The following CNTN1 variants were observed in gnomAD, a reference collection of about 807,000 sequenced individuals.
CNTN1 encodes the protein contactin 1.
In CNTN1, 38 loss-of-function variants were observed where a neutral mutation model predicts 126.4. The ratio of observed to expected loss-of-function variants is 0.30; its 90% CI spans 0.23 to 0.39. CNTN1 has a LOEUF of 0.39. CNTN1 is among the 10% of genes least tolerant of loss of function. The pLI, the probability that CNTN1 is intolerant of heterozygous loss-of-function variation, is 1.00. For missense variants in CNTN1, 1,009 were observed against 1,248.4 expected (o/e 0.81, Z 2.89); for synonymous variants, 413 against 422.6 (o/e 0.98, Z 0.28).
At chr12:40,817,024 A>C (rs1191189800) in intron 1 of CNTN1, among the ~76,000 whole-genome samples, 1 of 152,120 alleles carries the variant, frequency 6.6e-6, no homozygotes, top group Admixed American at 6.5e-5. Flanking sequence ...GTTCGTTATG[A>C]TTTCCATTAT....
At chr12:40,821,021 A>G (rs1038156306) in intron 1 of CNTN1, among the ~76,000 whole-genome samples, 18 of 152,324 alleles carry the variant, frequency 1.2e-4, no homozygotes, top group African/African-American at 3.4e-4. Flanking sequence ...AAATCTTCCT[A>G]AAGGAATTAC....
At chr12:40,827,353 C>T (rs767982589) in intron 1 of CNTN1, among the ~76,000 whole-genome samples, 1 of 152,040 alleles carries the variant, frequency 6.6e-6, no homozygotes, top group Admixed American at 6.6e-5. Context: ...ACTCCTTCCA[C>T]ATTTTTGAAA....
chr12:40,939,386 C>G lies in CNTN1; in HGVS notation c.1280C>G (p.Ala427Gly), dbSNP rs141706688. Residue 427 changes from alanine (A) to glycine (G), a missense_variant, in exon 12 of 24, where the codon GCT (alanine) becomes GGT (glycine). Ala to Gly is a moderately conservative substitution (Grantham distance 60). Coordinates refer to ENST00000551295, the MANE Select transcript of CNTN1 (RefSeq NM_001843.4). The stretch of plus-strand genomic sequence containing the variant: ...CCTATGAAGAAAAAGATCCTGGCTG[C>G]TAAAGGTGGAAGGGTGATAATTGAA... ...MNPMKKKILA[A>G]KGGRVIIECK... 4.3e-5 allele frequency: 70 copies of G among 1,613,762 alleles called. No homozygotes were observed. In the Admixed American group the frequency reaches 1.1e-3, roughly 26 times the overall value.
chr12:41,051,050 C>T (rs750317749), intron 23 of CNTN1, among the ~76,000 whole-genome samples: 5 of 152,002 alleles, frequency 3.3e-5, no homozygotes, highest in Non-Finnish European at 5.9e-5. Context: ...TGGAGATTCT[C>T]ACTCATTCCA....
At chr12:40,830,791 GTATA>G (rs10592423) in intron 1 of CNTN1, among the ~76,000 whole-genome samples, 14,166 of 75,236 alleles carry the variant, frequency 0.19, 1,466 homozygotes, top group Non-Finnish European at 0.22. Context: ...AAAGTATAGT[GTATA>G]TATATATATA....
chr12:40,786,688 G>A (rs890314978), intron 1 of CNTN1, among the ~76,000 whole-genome samples: 4 of 152,208 alleles, frequency 2.6e-5, no homozygotes, highest in South Asian at 2.1e-4. Context: ...AATGCAGGAC[G>A]TCAACAATAA....
chr12:41,025,096 A>G (rs1592422478), intron 20 of CNTN1, 54 bp from the exon 21 acceptor site: 3 of 1,577,298 alleles, frequency 1.9e-6, no homozygotes, highest in Middle Eastern at 1.7e-4. Context: ...AGAACTTTTC[A>G]TAGCTGAAGA....
At chr12:40,814,791 A>G (rs1383448433) in intron 1 of CNTN1, among the ~76,000 whole-genome samples, 2 of 152,216 alleles carry the variant, frequency 1.3e-5, no homozygotes, top group South Asian at 2.1e-4. Context: ...CCTTGGGCAT[A>G]TGGACATTTT....
At chr12:40,754,327 T>C (rs966413603) in intron 1 of CNTN1, among the ~76,000 whole-genome samples, 10 of 152,154 alleles carry the variant, frequency 6.6e-5, no homozygotes, top group Non-Finnish European at 1.2e-4. Flanking sequence ...ATTCACAATG[T>C]TCAAGTCCCT....
At chr12:40,896,275 G>T (rs1001199711) in intron 1 of CNTN1, among the ~76,000 whole-genome samples, 3 of 152,008 alleles carry the variant, frequency 2.0e-5, no homozygotes, top group Non-Finnish European at 2.9e-5. Flanking sequence ...GGAATATAAA[G>T]ATATGTATAA....
chr12:40,798,435 A>G (rs1366443048), intron 1 of CNTN1, among the ~76,000 whole-genome samples: 7 of 152,026 alleles, frequency 4.6e-5, no homozygotes, highest in Non-Finnish European at 8.8e-5. Context: ...TTCATTGCCT[A>G]TAGACCTGCA....
chr12:40,793,787 A>C (rs891853205), intron 1 of CNTN1, among the ~76,000 whole-genome samples: 1 of 151,982 alleles, frequency 6.6e-6, no homozygotes, highest in Non-Finnish European at 1.5e-5. Context: ...CAGGGAGGTT[A>C]TTCTAGTTTC....
At chr12:40,783,219 T>G (rs1939873566) in intron 1 of CNTN1, among the ~76,000 whole-genome samples, 1 of 144,150 alleles carries the variant, frequency 6.9e-6, no homozygotes, top group East Asian at 2.4e-4. Flanking sequence ...ATTAAAGATT[T>G]TAGAGTGGGT....
intron 1 of CNTN1, among the ~76,000 whole-genome samples, chr12:40,855,882 T>A (rs1346941198): frequency 6.6e-6 from 1 of 152,180 alleles, no homozygotes; most frequent in African/African-American, 2.4e-5. Context: ...TTTTGTTGAA[T>A]GCAAAGAAAT....
intron 1 of CNTN1, among the ~76,000 whole-genome samples, chr12:40,779,563 A>C (rs1939712734): frequency 6.6e-6 from 1 of 151,854 alleles, no homozygotes; most frequent in African/African-American, 2.4e-5. Context: ...ATTGAACCTT[A>C]ATTATAAGTA....
intron 9 of CNTN1, among the ~76,000 whole-genome samples, chr12:40,935,194 A>G (rs948947636): frequency 2.0e-5 from 3 of 152,038 alleles, no homozygotes; most frequent in Admixed American, 2.0e-4. Context: ...AATGCAATAC[A>G]TATCAAGTCT....
At chr12:40,892,327 C>T (rs1335994238) in intron 1 of CNTN1, among the ~76,000 whole-genome samples, 1 of 152,074 alleles carries the variant, frequency 6.6e-6, no homozygotes, top group African/African-American at 2.4e-5. Flanking sequence ...GTGTTGCTCT[C>T]AATGGATTTT....
rs977030696 is a variant in CNTN1, at chr12:40,848,507, A to G, written c.-76-59850A>G. Reference sequence around the variant, plus strand: ...GTAGGTGAATAATGTATGAGTTAGCATCTAGCCCCTCACTTGTTTTGAATG... The same window carrying G: ...GTAGGTGAATAATGTATGAGTTAGCGTCTAGCCCCTCACTTGTTTTGAATG... On this transcript the variant is annotated intron_variant, in intron 1 of 23. Transcript: ENST00000551295. Among the ~76,000 whole-genome samples, 27 of 152,226 alleles carry G rather than the reference A, an allele frequency of 1.8e-4. 1 individual carries two copies. Among genetic ancestry groups the G allele is most frequent in the Admixed American group, 1.8e-3 (27 of 15,276 alleles).
chr12:40,767,606 C>G (rs1479793797), intron 1 of CNTN1, among the ~76,000 whole-genome samples: 1 of 141,738 alleles, frequency 7.1e-6, no homozygotes, highest in African/African-American at 2.6e-5. Flanking sequence ...CGGCTCCTGG[C>G]CCTTTTTTTG....
Sources: gnomAD v4.1 joint callset for allele counts (sites outside exome capture counted in the v4.1 genomes callset) on GRCh38, gnomAD v4.1.1 for gene constraint, MANE v1.5 for transcripts, NCBI Gene and HGNC (gene_info 2026-07-23, HGNC 2026-07-21) for gene names.